Variants in TXNL4A observed in about 807,000 individuals in gnomAD.
TXNL4A encodes thioredoxin like 4A, also known as thioredoxin-like protein 4A.
TXNL4A carries 17 observed loss-of-function variants against 14.6 expected under a neutral mutation model. The observed-to-expected ratio is 1.16, with a 90% CI of 0.80 to 1.74. The LOEUF (loss-of-function observed/expected upper bound fraction) is 1.74, where lower values mean the gene tolerates loss of function less well. Among genes scored for constraint, TXNL4A ranks in the 40% most tolerant of loss-of-function variants. TXNL4A has a pLI of 0.00. For synonymous variants in TXNL4A, 83 were observed against 70.6 expected (o/e 1.18, Z -0.88); for missense variants, 74 against 195.2 (o/e 0.38, Z 3.70).
At chr18:80,026,712 C>CT (rs1196247439) in intron 1 of TXNL4A, among the ~76,000 whole-genome samples, 1 of 148,292 alleles carries the variant, frequency 6.7e-6, no homozygotes, top group South Asian at 2.3e-4. Flanking sequence ...ACCACAGACT[C>CT]TAAGTGTGAC....
At chr18:80,009,387 C>T (rs771499194) in intron 1 of TXNL4A, among the ~76,000 whole-genome samples, 1 of 152,148 alleles carries the variant, frequency 6.6e-6, no homozygotes, top group African/African-American at 2.4e-5. Flanking sequence ...CGACTTCACA[C>T]GATTCAGGTG....
At position 79,987,921 on chromosome 18, in the gene TXNL4A, G is replaced by C. The variant is rs112735898; in HGVS notation, c.153+319C>G. Among the ~76,000 whole-genome samples the C allele has an allele frequency of 2.6e-3, 399 of 152,378 alleles. 2 individuals carry two copies. Among genetic ancestry groups the C allele is most frequent in the Middle Eastern group, 0.014 (4 of 294 alleles). ...AGGATCCGCGCTCTCAATAAAACCT[G>C]CAAGTGCATTTTGTTCACTGAACTA... On this transcript the variant is annotated intron_variant, in intron 1 of 2. Coordinates refer to ENST00000269601, the MANE Select transcript of TXNL4A (RefSeq NM_006701.5).
At chr18:79,980,890 T>C (rs1018660248) in intron 1 of TXNL4A, among the ~76,000 whole-genome samples, 8 of 152,204 alleles carry the variant, frequency 5.3e-5, no homozygotes, top group African/African-American at 1.9e-4. Context: ...ATGTTTGCAT[T>C]AGACATGGGC....
intron 1 of TXNL4A, among the ~76,000 whole-genome samples, chr18:79,981,316 A>G (rs1406874863): frequency 6.6e-6 from 1 of 152,244 alleles, no homozygotes; most frequent in Non-Finnish European, 1.5e-5. Flanking sequence ...CTTTTCTTGC[A>G]CGTAAAAAAT....
At chr18:80,020,376 G>A (rs2051840592) in intron 1 of TXNL4A, among the ~76,000 whole-genome samples, 1 of 152,174 alleles carries the variant, frequency 6.6e-6, no homozygotes, top group African/African-American at 2.4e-5. Flanking sequence ...GTTAGCCACA[G>A]ACTTCCTTTA....
chr18:80,012,590 G>A (rs2051777189), intron 1 of TXNL4A, among the ~76,000 whole-genome samples: 2 of 152,156 alleles, frequency 1.3e-5, no homozygotes, highest in African/African-American at 2.4e-5. Flanking sequence ...GCCTTATAAG[G>A]TTGCCTTCCC....
upstream of TXNL4A, among the ~76,000 whole-genome samples, chr18:79,990,822 T>C (rs2051622143): frequency 2.0e-5 from 3 of 151,710 alleles, no homozygotes; most frequent in South Asian, 4.1e-4. Flanking sequence ...TAAAAACTTT[T>C]GGCCGGGCGC....
At position 79,971,212 on chromosome 18, in the gene TXNL4A, G is replaced by T. The variant is rs1194404755; in HGVS notation, c.*2473C>A. On this transcript the variant is annotated 3_prime_UTR_variant, in exon 3 of 3. Coordinates refer to ENST00000269601, the MANE Select transcript of TXNL4A (RefSeq NM_006701.5). ...GGACATTTTGTTTAACCGTTCATCT[G>T]TTGATGGACACGTGGGTTTCCACAT... 1 of 152,288 alleles carries T rather than the reference G, an allele frequency of 6.6e-6. No individual in the cohort carries two copies. The highest frequency in any genetic ancestry group is 2.4e-5 in the African/African-American group (1 of 41,470). 9.4% of individuals were successfully genotyped at this position (152,288 alleles called of 1,614,324 possible).
At chr18:80,024,409 G>A (rs930021674) in intron 1 of TXNL4A, among the ~76,000 whole-genome samples, 3 of 152,166 alleles carry the variant, frequency 2.0e-5, no homozygotes, top group Admixed American at 1.3e-4. Context: ...GGAGTGCTTA[G>A]AAATCGTATA....
chr18:80,031,640 CAT>C (rs1478197166), intron 1 of TXNL4A, among the ~76,000 whole-genome samples: 27 of 152,202 alleles, frequency 1.8e-4, no homozygotes, highest in African/African-American at 6.3e-4. Context: ...ATGATGGCTA[CAT>C]GAGTTACCTC....
rs1307438256 is a variant in TXNL4A, at chr18:79,982,907, C to T, written c.154-5206G>A. 6.6e-6 allele frequency among the ~76,000 whole-genome samples: 1 copy of T among 152,176 alleles called. No individual in the cohort carries two copies. Among genetic ancestry groups the T allele is most frequent in the Non-Finnish European group, 1.5e-5 (1 of 68,034 alleles). ...ATCCAGCAGCATCTGCTGGTGGCGA[C>T]ATTTCCACGGTAACCAAGCGCTTGG... is the stretch of plus-strand genomic sequence containing the variant. On this transcript the variant is annotated intron_variant, in intron 1 of 2. Transcript: ENST00000269601. This position sits in a 1 kb window ranked among gnomAD's most constrained non-coding sequence, Gnocchi z 4.0.
At chr18:80,023,508 G>GC (rs2051863620) in intron 1 of TXNL4A, among the ~76,000 whole-genome samples, 1 of 151,978 alleles carries the variant, frequency 6.6e-6, no homozygotes, top group Admixed American at 6.6e-5. Flanking sequence ...CCCATAGCAT[G>GC]CCCCCCACCC....
intron 1 of TXNL4A, among the ~76,000 whole-genome samples, chr18:80,024,474 T>TTG (rs139601899): frequency 1.2e-4 from 18 of 151,698 alleles, no homozygotes; most frequent in Non-Finnish European, 2.2e-4. Context: ...TGTCTCTGCT[T>TTG]TGTGTGTGTG....
intron 1 of TXNL4A, among the ~76,000 whole-genome samples, chr18:79,994,600 C>T (rs1220923501): frequency 5.3e-5 from 8 of 151,162 alleles, no homozygotes; most frequent in Admixed American, 5.3e-4. Context: ...TCAGAACTGC[C>T]AATCGAGAAC....
At chr18:80,033,019 C>A (rs1257987034) in intron 1 of TXNL4A, among the ~76,000 whole-genome samples, 1 of 69,546 alleles carries the variant, frequency 1.4e-5, no homozygotes, top group Non-Finnish European at 3.1e-5. Context: ...TCTCAATACT[C>A]CGCCCTTTCC....
rs1392027723 is a variant in TXNL4A at position 79,977,252 on chromosome 18, G to A, written c.257+346C>T. 1.6e-5 allele frequency: 5 copies of A among 321,480 alleles called. No individual in the cohort carries two copies. In the East Asian group the frequency reaches 2.7e-4, roughly 17 times the overall value. 19.9% of individuals were successfully genotyped at this position (321,480 alleles called of 1,614,324 possible). ...GATTACAGGCGCTTTGAGCCACTGT[G>A]CCCGGCCTAAATTTGTGATTTTACA... On this transcript the variant is annotated intron_variant, in intron 2 of 2. Transcript: ENST00000269601.
chr18:80,004,734 C>G (rs191808708), intron 1 of TXNL4A, among the ~76,000 whole-genome samples: 1 of 152,182 alleles, frequency 6.6e-6, no homozygotes, highest in Non-Finnish European at 1.5e-5. Flanking sequence ...GAGAAAATCA[C>G]CAGAGAAAAC....
intron 1 of TXNL4A, among the ~76,000 whole-genome samples, chr18:80,009,588 G>A (rs2051756555): frequency 1.3e-5 from 2 of 152,166 alleles, no homozygotes; most frequent in African/African-American, 2.4e-5. Flanking sequence ...TAGTTTTAAG[G>A]CAGAGATAGA....
At chr18:80,013,146 A>C (rs2051782970) in intron 1 of TXNL4A, among the ~76,000 whole-genome samples, 1 of 144,642 alleles carries the variant, frequency 6.9e-6, no homozygotes, top group African/African-American at 2.6e-5. Flanking sequence ...TTTGAGACGG[A>C]GTCTGGCTCT....
Sources: allele counts gnomAD v4.1 joint callset (sites outside exome capture counted in the v4.1 genomes callset), GRCh38; gene constraint gnomAD v4.1.1; non-coding constraint Gnocchi (gnomAD v3.1); transcripts MANE v1.5; gene names NCBI Gene and HGNC (gene_info 2026-07-23, HGNC 2026-07-21).